Variants in SLA observed in about 807,000 individuals in gnomAD.
SLA encodes Src like adaptor.
SLA carries 16 observed loss-of-function variants against 30.3 expected under a neutral mutation model. The ratio of observed to expected loss-of-function variants is 0.53; its 90% confidence interval spans 0.36 to 0.80. The LOEUF is 0.80. Ranked by LOEUF, SLA falls within the 30% of genes least tolerant of loss-of-function variation. SLA has a pLI of 0.01. For synonymous variants in SLA, 143 were observed against 137.8 expected (o/e 1.04, Z -0.26); for missense variants, 310 against 345.2 (o/e 0.90, Z 0.81).
rs576025179 is a variant in SLA, at chr8:133,074,122, G to A, written c.-41+731C>T. On this transcript the variant is annotated intron_variant, in intron 2 of 8. Transcript: ENST00000338087. ...GTGCCATATTTCTTAGAAAATTCCCGTTGTCCTAAATCTCTTCCAACTCTA... is the reference window on the plus strand; with the variant it reads ...GTGCCATATTTCTTAGAAAATTCCCATTGTCCTAAATCTCTTCCAACTCTA... 1.1e-4 allele frequency among the ~76,000 whole-genome samples: 16 copies of A among 152,174 alleles called. No individual in the cohort carries two copies. The South Asian group carries it at 1.2e-3, about 12-fold the overall frequency.
At chr8:133,048,563 G>A (rs1198585919) in intron 5 of SLA, 1 of 155,780 alleles carries the variant, frequency 6.4e-6, no homozygotes, top group East Asian at 1.9e-4. Context: ...GATCACCTCT[G>A]TTGGATTGGT....
At chr8:133,075,614 T>A (rs1844751378) in intron 1 of SLA, among the ~76,000 whole-genome samples, 1 of 152,194 alleles carries the variant, frequency 6.6e-6, no homozygotes. Context: ...ACCAAGAGGA[T>A]GTCTCGTATC....
chr8:133,095,092 C>T lies in SLA; in HGVS notation c.-319+7461G>A, dbSNP rs1408343134. The T allele has an allele frequency of 2.5e-6, 4 of 1,614,072 alleles. No individual in the cohort carries two copies. The African/African-American group carries it at 4.0e-5, about 16-fold the overall frequency. On this transcript the variant is annotated intron_variant, in intron 1 of 8. Transcript: ENST00000338087. ...CGCCGTCATCAGCCATGAGAGGGCTCAGCAGCAGGCAATTGCTTTGGCAAA... is the reference window on the plus strand; with the variant it reads ...CGCCGTCATCAGCCATGAGAGGGCTTAGCAGCAGGCAATTGCTTTGGCAAA...
intron 4 of SLA, 122 bp downstream of exon 4, chr8:133,050,694 C>A: frequency 2.9e-6 from 2 of 687,910 alleles, no homozygotes; most frequent in African/African-American, 1.8e-5. Context: ...AAATTTCTCA[C>A]CTCATAATAG....
In SLA at chr8:133,037,779, T is replaced by A. The variant is rs1837361799; in HGVS notation, c.*745A>T. 1 of 152,184 alleles carries A rather than the reference T, an allele frequency of 6.6e-6. No individual in the cohort carries two copies. 9.4% of individuals were successfully genotyped at this position (152,184 alleles called of 1,614,324 possible). Reference sequence around the variant, plus strand: ...AAGCTCTGTCTGCGCTGCAAAGCCATGGCTGCAGACATCAGGGAAGCTGGT... The same window carrying A: ...AAGCTCTGTCTGCGCTGCAAAGCCAAGGCTGCAGACATCAGGGAAGCTGGT... On this transcript the variant is annotated 3_prime_UTR_variant, in exon 9 of 9. Transcript: ENST00000338087.
At chr8:133,102,052 A>G (rs78264501) in intron 1 of SLA, among the ~76,000 whole-genome samples, 4,258 of 152,298 alleles carry the variant, frequency 0.028, 214 homozygotes, top group African/African-American at 0.097. Flanking sequence ...CAAATACACA[A>G]CAATATCTGG....
chr8:133,040,881 C>T (rs116230360), intron 7 of SLA, among the ~76,000 whole-genome samples: 2 of 152,304 alleles, frequency 1.3e-5, no homozygotes, highest in East Asian at 1.9e-4. Context: ...TAGAAGCTCA[C>T]GCACAAAAAG....
chr8:133,037,755 A>G lies in SLA; in HGVS notation c.*769T>C, dbSNP rs1837356606. 6.6e-6 allele frequency: 1 copy of G among 152,166 alleles called. No individual in the cohort carries two copies. Among genetic ancestry groups the G allele is most frequent in the African/African-American group, 2.4e-5 (1 of 41,434 alleles). The allele number at this position is 152,166 out of a possible 1,614,324, so 9.4% of individuals were successfully genotyped here. On this transcript the variant is annotated 3_prime_UTR_variant, in exon 9 of 9. Coordinates refer to ENST00000338087, the MANE Select transcript of SLA (RefSeq NM_001045556.3). ...GGCAAGAATCCCAGCATCCCAGAGA[A>G]GCTCTGTCTGCGCTGCAAAGCCATG...
chr8:133,043,691 G>C (rs1357006113), intron 7 of SLA, among the ~76,000 whole-genome samples: 1 of 152,128 alleles, frequency 6.6e-6, no homozygotes, highest in African/African-American at 2.4e-5. Context: ...AGCCATTTTT[G>C]CCTCATGCCC....
chr8:133,089,124 C>T (rs1042338638), intron 1 of SLA, among the ~76,000 whole-genome samples: 2 of 152,140 alleles, frequency 1.3e-5, no homozygotes, highest in Admixed American at 6.5e-5. Context: ...CACACACTAC[C>T]CCTTTATCCT....
At chr8:133,072,613 A>T (rs1029233021) in intron 2 of SLA, among the ~76,000 whole-genome samples, 6 of 152,234 alleles carry the variant, frequency 3.9e-5, no homozygotes, top group Non-Finnish European at 8.8e-5. Flanking sequence ...TACATTCTTG[A>T]TGAATGTCAA....
At chr8:133,046,887 G>A (rs1468643919) in intron 6 of SLA, among the ~76,000 whole-genome samples, 1 of 152,164 alleles carries the variant, frequency 6.6e-6, no homozygotes, top group African/African-American at 2.4e-5. Flanking sequence ...AGCACCAGGT[G>A]GCTTTGGCAC....
intron 1 of SLA, chr8:133,094,920 T>C: frequency 7.7e-7 from 1 of 1,296,902 alleles, no homozygotes. Flanking sequence ...AGCCCCAGAA[T>C]GGGTCCTGGG....
chr8:133,065,623 A>G (rs1307211981), intron 2 of SLA, among the ~76,000 whole-genome samples: 1 of 152,138 alleles, frequency 6.6e-6, no homozygotes, highest in African/African-American at 2.4e-5. Flanking sequence ...TTAGCCGGAC[A>G]TGTTGGCACA....
intron 2 of SLA, among the ~76,000 whole-genome samples, chr8:133,064,838 C>T (rs1842835425): frequency 6.6e-6 from 1 of 152,126 alleles, no homozygotes. Context: ...GCACCTGGTC[C>T]ATCTTGTGCT....
chr8:133,068,409 G>C lies in SLA; in HGVS notation c.-41+6444C>G, dbSNP rs145449626. On this transcript the variant is annotated intron_variant, in intron 2 of 8. Coordinates refer to ENST00000338087, the MANE Select transcript of SLA (RefSeq NM_001045556.3). The stretch of plus-strand genomic sequence containing the variant: ...ACCAGAAGGGGATGGAGGTGTCCTA[G>C]TGTACATTTTAAGGTCATTTTAAGA... Among the ~76,000 whole-genome samples, 384 of 152,356 alleles carry C rather than the reference G, an allele frequency of 2.5e-3. 1 individual carries two copies. The highest frequency in any genetic ancestry group is 8.7e-3 in the African/African-American group (362 of 41,586).
chr8:133,101,615 C>G (rs1316974311), intron 1 of SLA, among the ~76,000 whole-genome samples: 1 of 152,214 alleles, frequency 6.6e-6, no homozygotes, highest in South Asian at 2.1e-4. Flanking sequence ...GGGTGTCCAG[C>G]ATGTTTTTGT....
chr8:133,040,009 C>T lies in SLA; in HGVS notation c.606G>A (p.Arg202=). Residue 202 remains arginine (R), a synonymous_variant, in exon 8 of 9, where the codon AGG becomes AGA. Transcript: ENST00000338087. ...CACACCATACTCACCTGGACACTCTCCTCCAGTCCACAGTCTTCTGACGCA... is the reference window on the plus strand; with the variant it reads ...CACACCATACTCACCTGGACACTCTTCTCCAGTCCACAGTCTTCTGACGCA... ...VTLRQKTVDW[R]RVSRLQEDPE... The T allele has an allele frequency of 6.4e-7, 1 of 1,551,682 alleles. No individual in the cohort carries two copies. The highest frequency in any genetic ancestry group is 8.7e-7 in the Non-Finnish European group (1 of 1,147,016).
At chr8:133,044,930 A>C in intron 7 of SLA, 54 bp downstream of exon 7, 2 of 1,584,216 alleles carry the variant, frequency 1.3e-6, no homozygotes, top group Non-Finnish European at 1.7e-6. Flanking sequence ...CCACAGAGCA[A>C]TTAGCTAAGA....
Sources: gnomAD v4.1 joint callset for allele counts (sites outside exome capture counted in the v4.1 genomes callset) on GRCh38, gnomAD v4.1.1 for gene constraint, MANE v1.5 for transcripts, NCBI Gene and HGNC (gene_info 2026-07-23, HGNC 2026-07-21) for gene names.